HK1: variants seen among roughly 807,000 people sequenced by gnomAD.
HK1 encodes hexokinase 1.
HK1 carries 28 observed loss-of-function variants against 91.6 expected under a neutral mutation model. The ratio of observed to expected loss-of-function variants is 0.31; its 90% CI spans 0.23 to 0.42. The LOEUF (loss-of-function observed/expected upper bound fraction) is 0.42, where lower values mean the gene tolerates loss of function less well. Ranked by LOEUF, HK1 falls within the 10% of genes least tolerant of loss-of-function variation. The pLI is 1.00. For synonymous variants in HK1, 430 were observed against 468.1 expected, an observed-to-expected ratio of 0.92 and a Z score of 1.05; for missense variants, 770 against 1,219.8, an observed-to-expected ratio of 0.63 and a Z score of 5.49.
At position 69,395,007 on chromosome 10, in the gene HK1, C is replaced by T. The variant is rs761990404; in HGVS notation, c.2277C>T (p.Ile759=). 7.4e-6 allele frequency: 12 copies of T among 1,613,930 alleles called. No individual in the cohort carries two copies. The highest frequency in any genetic ancestry group is 1.6e-4 in the Middle Eastern group (1 of 6,084). ...YLGEIVRNIL[I]DFTKKGFLFR... is the part of the protein sequence containing the mutation. ...GTGAAATCGTCCGCAACATCTTAATCGACTTCACCAAGAAGGGATTCCTCT... is the reference window on the plus strand; with the variant it reads ...GTGAAATCGTCCGCAACATCTTAATTGACTTCACCAAGAAGGGATTCCTCT... Residue 759 remains isoleucine (I), a synonymous_variant, in exon 16 of 18, where the codon ATC becomes ATT. Coordinates refer to ENST00000359426, the MANE Select transcript of HK1 (RefSeq NM_000188.3).
chr10:69,310,116 TA>T (rs376737962), intron 5 of HK1, among the ~76,000 whole-genome samples: 6,347 of 103,928 alleles, frequency 0.061, 336 homozygotes, highest in African/African-American at 0.16. Context: ...AAACTCCATC[TA>T]AAAAAAAAAA....
chr10:69,322,028 T>G (rs1488841750), intron 1 of HK1, among the ~76,000 whole-genome samples: 1 of 152,260 alleles, frequency 6.6e-6, no homozygotes, highest in East Asian at 1.9e-4. Context: ...TAAGTAACTT[T>G]AAACACGCAT....
chr10:69,288,338 A>G (rs928835280), intron 2 of HK1, among the ~76,000 whole-genome samples: 1 of 152,084 alleles, frequency 6.6e-6, no homozygotes, highest in Non-Finnish European at 1.5e-5. Flanking sequence ...GACTGGGTGC[A>G]GTAGCTCAGG....
intron 14 of HK1, among the ~76,000 whole-genome samples, chr10:69,391,109 G>C (rs1465560521): frequency 1.3e-5 from 2 of 152,246 alleles, no homozygotes; most frequent in African/African-American, 4.8e-5. Context: ...CCCCTGGCAA[G>C]CATATGTCAG....
intron 9 of HK1, among the ~76,000 whole-genome samples, chr10:69,381,544 A>AT (rs1564558284): frequency 3.7e-5 from 5 of 134,018 alleles, no homozygotes; most frequent in Non-Finnish European, 6.4e-5. Context: ...TATCATCTTA[A>AT]CCTTTTTTTT....
In HK1 at chr10:69,393,544, G is replaced by A. The variant is rs372844096; in HGVS notation, c.2219+1236G>A. On this transcript the variant is annotated intron_variant, in intron 15 of 17. Transcript: ENST00000359426. The stretch of plus-strand genomic sequence containing the variant: ...ACTCCTGACCTCAGGTGATTGGCCC[G>A]CCTCAGCCTCCCAAAGTGCTGGGAT... 2.2e-4 allele frequency among the ~76,000 whole-genome samples: 34 copies of A among 152,326 alleles called. No individual in the cohort carries two copies. In the East Asian group the frequency reaches 2.3e-3, roughly 10 times the overall value.
chr10:69,338,184 T>G, intron 1 of HK1: 1 of 975,534 alleles, frequency 1.0e-6, no homozygotes, highest in Non-Finnish European at 1.3e-6. Context: ...CCAGGACAAG[T>G]GTCTGGAAAG....
intron 9 of HK1, 113 bp from the exon 10 acceptor site, chr10:69,382,374 C>CA (rs955379262): frequency 1.1e-4 from 129 of 1,176,192 alleles, no homozygotes; most frequent in Middle Eastern, 1.9e-4. Context: ...GACCCTGTCT[C>CA]AAAAAAAAGG....
At chr10:69,335,214 C>G (rs1348907934) in intron 1 of HK1, among the ~76,000 whole-genome samples, 2 of 152,282 alleles carry the variant, frequency 1.3e-5, no homozygotes, top group South Asian at 2.1e-4. Flanking sequence ...CATGTGCAGT[C>G]AGGAAGAGGA....
intron 5 of HK1, among the ~76,000 whole-genome samples, chr10:69,308,485 G>T (rs1426346579): frequency 5.9e-5 from 9 of 152,126 alleles, no homozygotes; most frequent in Non-Finnish European, 1.5e-5. Flanking sequence ...GTATGTGACT[G>T]GGGGCTGCAG....
chr10:69,396,939 C>T (rs1840172247), intron 16 of HK1, among the ~76,000 whole-genome samples: 1 of 152,214 alleles, frequency 6.6e-6, no homozygotes, highest in South Asian at 2.1e-4. Flanking sequence ...CCCACCTTGG[C>T]CTCCCAGAGT....
At chr10:69,317,960 AAC>A (rs1475266749), upstream of HK1, 2 of 811,660 alleles carry the variant, frequency 2.5e-6, no homozygotes, top group Admixed American at 6.2e-5. Context: ...GAAAGTAGAA[AAC>A]ACGGCACCTG....
intron 4 of HK1, 99 bp from the exon 5 acceptor site, chr10:69,368,437 T>C (rs1181985527): frequency 9.6e-7 from 1 of 1,044,366 alleles, no homozygotes; most frequent in East Asian, 2.4e-5. Flanking sequence ...TTGGCCCCTA[T>C]GGGCTTCTGC....
chr10:69,373,262 T>C (rs1020049985), intron 7 of HK1, among the ~76,000 whole-genome samples: 1 of 152,208 alleles, frequency 6.6e-6, no homozygotes, highest in African/African-American at 2.4e-5. Context: ...ACTCATTCCA[T>C]TTGCTTTGAT....
At chr10:69,318,578 G>A (rs1846790584), upstream of HK1, among the ~76,000 whole-genome samples, 1 of 152,186 alleles carries the variant, frequency 6.6e-6, no homozygotes, top group African/African-American at 2.4e-5. Flanking sequence ...CTCCCTACGT[G>A]GGGGACGTGC....
intron 3 of HK1, among the ~76,000 whole-genome samples, chr10:69,292,843 T>C (rs531377649): frequency 6.6e-6 from 1 of 152,278 alleles, no homozygotes; most frequent in African/African-American, 2.4e-5. Flanking sequence ...TTGAAGTCCC[T>C]AGGCGTCACC....
At chr10:69,271,281 T>C (rs1322134120) in intron 1 of HK1, among the ~76,000 whole-genome samples, 1 of 152,156 alleles carries the variant, frequency 6.6e-6, no homozygotes, top group Non-Finnish European at 1.5e-5. Flanking sequence ...CAATCAAGAA[T>C]ACAAGAAACC....
intron 4 of HK1, among the ~76,000 whole-genome samples, chr10:69,366,011 G>A (rs1028644706): frequency 6.6e-6 from 1 of 151,894 alleles, no homozygotes. Context: ...TTGTATTTTT[G>A]GCAGATATGG....
chr10:69,376,117 G>A (rs1336641501), intron 7 of HK1, among the ~76,000 whole-genome samples: 1 of 152,168 alleles, frequency 6.6e-6, no homozygotes, highest in African/African-American at 2.4e-5. Flanking sequence ...CGGCCCCAGG[G>A]GGAGTGGCTG....
Sources: gnomAD v4.1 joint callset for allele counts (sites outside exome capture counted in the v4.1 genomes callset) on GRCh38, gnomAD v4.1.1 for gene constraint, MANE v1.5 for transcripts, NCBI Gene and HGNC (gene_info 2026-07-23, HGNC 2026-07-21) for gene names.